Variants in MANBA observed in about 807,000 individuals in gnomAD.
MANBA encodes the protein beta-mannosidase.
In MANBA, 83 loss-of-function variants were observed where a neutral mutation model predicts 111.1. The ratio of observed to expected loss-of-function variants is 0.75; its 90% confidence interval spans 0.63 to 0.90. MANBA has a LOEUF of 0.90. Ranked by LOEUF, MANBA falls within the 40% of genes least tolerant of loss-of-function variation. The pLI is 0.00. For synonymous variants in MANBA, 370 were observed against 378.7 expected, an observed-to-expected ratio of 0.98 and a Z score of 0.27; for missense variants, 1,036 against 1,069.0, an observed-to-expected ratio of 0.97 and a Z score of 0.43.
At chr4:102,675,728 A>G (rs966375752) in intron 7 of MANBA, among the ~76,000 whole-genome samples, 1 of 152,100 alleles carries the variant, frequency 6.6e-6, no homozygotes, top group Non-Finnish European at 1.5e-5. Context: ...CTTTTTTCCA[A>G]TTTAGGGATG....
intron 1 of MANBA, among the ~76,000 whole-genome samples, chr4:102,758,361 A>T (rs1484746120): frequency 1.3e-5 from 2 of 152,190 alleles, no homozygotes; most frequent in Non-Finnish European, 2.9e-5. Context: ...TAAATGAATG[A>T]TATCACCAAG....
At chr4:102,707,307 C>T (rs1733342346) in intron 5 of MANBA, among the ~76,000 whole-genome samples, 1 of 152,114 alleles carries the variant, frequency 6.6e-6, no homozygotes, top group Admixed American at 6.5e-5. Context: ...AGAACAGCTC[C>T]CAGCCAAGGA....
rs1729552806 is a variant in MANBA at position 102,634,943 on chromosome 4, C to T, written c.2260G>A (p.Val754Met). 2 of 1,614,266 alleles carry T rather than the reference C, an allele frequency of 1.2e-6. No individual in the cohort carries two copies. The highest frequency in any genetic ancestry group is 1.3e-5 in the African/African-American group (1 of 75,072). Reference protein sequence around the residue: ...GEAVCLYEEPVSELLRRCGNC... With the variant: ...GEAVCLYEEPMSELLRRCGNC... ...CCACATCTCCTCAGCAATTCAGACA[C>T]TGGCTCCTCATAAAGGCAGACAGCC... The change falls in exon 16 of 17, where the codon GTG becomes ATG. Residue 754 changes from valine (V) to methionine (M), a missense_variant. Transcript: ENST00000647097.
chr4:102,653,032 A>G (rs1273891395), intron 12 of MANBA, among the ~76,000 whole-genome samples: 2 of 152,196 alleles, frequency 1.3e-5, no homozygotes, highest in Non-Finnish European at 2.9e-5. Flanking sequence ...TCCCTAGTTC[A>G]TTAAACCCAG....
intron 5 of MANBA, among the ~76,000 whole-genome samples, chr4:102,713,801 C>T (rs957938105): frequency 5.4e-5 from 8 of 148,346 alleles, no homozygotes; most frequent in African/African-American, 2.0e-4. Context: ...GAGGCTGAGG[C>T]AGGAGAATCG....
chr4:102,747,158 G>T (rs1364581317), intron 1 of MANBA, among the ~76,000 whole-genome samples: 4 of 145,412 alleles, frequency 2.8e-5, no homozygotes, highest in African/African-American at 1.1e-4. Flanking sequence ...GAACTAATGG[G>T]ATATATATAT....
At chr4:102,739,900 T>C (rs1478010381) in intron 1 of MANBA, among the ~76,000 whole-genome samples, 3 of 152,158 alleles carry the variant, frequency 2.0e-5, no homozygotes, top group Admixed American at 6.5e-5. Context: ...GGATGCCCAC[T>C]TTCACAACTT....
chr4:102,684,474 C>T (rs1732119269), intron 7 of MANBA, among the ~76,000 whole-genome samples: 1 of 152,134 alleles, frequency 6.6e-6, no homozygotes, highest in African/African-American at 2.4e-5. Context: ...CCGTTGGGGG[C>T]ATATGTGCTC....
chr4:102,673,615 G>A (rs186826481), intron 8 of MANBA, among the ~76,000 whole-genome samples: 23 of 151,302 alleles, frequency 1.5e-4, no homozygotes, highest in Admixed American at 3.9e-4. Context: ...TATTTTTTTC[G>A]GAGACTATTC....
At chr4:102,694,822 A>G (rs1732635706) in intron 5 of MANBA, among the ~76,000 whole-genome samples, 1 of 151,966 alleles carries the variant, frequency 6.6e-6, no homozygotes, top group Non-Finnish European at 1.5e-5. Flanking sequence ...TCCACAATTC[A>G]AGGCCTTGAG....
chr4:102,723,338 T>C (rs1722661254), intron 3 of MANBA, among the ~76,000 whole-genome samples: 1 of 152,212 alleles, frequency 6.6e-6, no homozygotes, highest in African/African-American at 2.4e-5. Flanking sequence ...TAACTTTAGC[T>C]CTGGAATGTC....
intron 5 of MANBA, among the ~76,000 whole-genome samples, chr4:102,706,139 G>C (rs1327274587): frequency 6.6e-6 from 1 of 152,146 alleles, no homozygotes; most frequent in Non-Finnish European, 1.5e-5. Context: ...TCACCTGGAG[G>C]CCCAAGATTC....
intron 12 of MANBA, among the ~76,000 whole-genome samples, chr4:102,657,238 G>GGA (rs1730605431): frequency 4.8e-5 from 5 of 105,104 alleles, no homozygotes; most frequent in Admixed American, 1.0e-4. Context: ...GGGGGTGGGC[G>GGA]GTGGTAATGG....
In MANBA at chr4:102,703,191, A is replaced by G. The variant is rs373065382; in HGVS notation, c.673+11247T>C. Among the ~76,000 whole-genome samples, 23 of 152,304 alleles carry G rather than the reference A, an allele frequency of 1.5e-4. No homozygotes were observed. The East Asian group carries it at 4.0e-3, about 27-fold the overall frequency. On this transcript the variant is annotated intron_variant, in intron 5 of 16. Transcript: ENST00000647097. ...TGTCACCCAGGCCAGAATACAGTGG[A>G]ATAATCATAGCTCGCTGCAGCCTTG... is the stretch of plus-strand genomic sequence containing the variant.
At chr4:102,634,576 T>C (rs1047646386) in intron 16 of MANBA, among the ~76,000 whole-genome samples, 1 of 152,198 alleles carries the variant, frequency 6.6e-6, no homozygotes, top group Non-Finnish European at 1.5e-5. Context: ...AAACGAGTAG[T>C]GGTCACCAGC....
At chr4:102,753,251 T>C (rs764220283) in intron 1 of MANBA, among the ~76,000 whole-genome samples, 5 of 152,024 alleles carry the variant, frequency 3.3e-5, no homozygotes, top group Non-Finnish European at 7.4e-5. Context: ...TCTATATACT[T>C]AGAAAAAAAT....
At chr4:102,731,237 C>T (rs1407882258) in intron 1 of MANBA, among the ~76,000 whole-genome samples, 1 of 151,934 alleles carries the variant, frequency 6.6e-6, no homozygotes, top group Admixed American at 6.6e-5. Context: ...ACAAAACCAC[C>T]AGTATCAGCA....
At chr4:102,715,039 GC>G (rs1466408966) in intron 4 of MANBA, among the ~76,000 whole-genome samples, 6 of 152,120 alleles carry the variant, frequency 3.9e-5, no homozygotes, top group African/African-American at 7.2e-5. Context: ...AACTGTGTGT[GC>G]CCCCCAACCA....
chr4:102,691,792 G>C (rs1367133240), intron 5 of MANBA, among the ~76,000 whole-genome samples: 1 of 152,150 alleles, frequency 6.6e-6, no homozygotes, highest in Non-Finnish European at 1.5e-5. Context: ...ATAGGCATGA[G>C]CCACCATGCC....
Sources: allele counts gnomAD v4.1 joint callset (sites outside exome capture counted in the v4.1 genomes callset), GRCh38; gene constraint gnomAD v4.1.1; transcripts MANE v1.5; gene names NCBI Gene and HGNC (gene_info 2026-07-23, HGNC 2026-07-21).